GRM4: variants seen among roughly 807,000 people sequenced by gnomAD.
GRM4 encodes the protein metabotropic glutamate receptor 4.
A neutral mutation model predicts 81.7 loss-of-function variants in GRM4; 28 were observed. That is an observed-to-expected ratio of 0.34 (90% CI 0.25 to 0.47). GRM4 has a LOEUF of 0.47. GRM4 is among the 20% of genes least tolerant of loss of function. The pLI is 1.00. For synonymous variants in GRM4, 488 were observed against 528.8 expected, an observed-to-expected ratio of 0.92 and a Z score of 1.06; for missense variants, 948 against 1,290.0, an observed-to-expected ratio of 0.73 and a Z score of 4.06.
At chr6:34,085,041 A>G (rs1767814500) in intron 3 of GRM4, among the ~76,000 whole-genome samples, 2 of 152,140 alleles carry the variant, frequency 1.3e-5, no homozygotes, top group Non-Finnish European at 2.9e-5. Context: ...AGGGCCTGAG[A>G]GCAGGGCCTG....
At chr6:34,106,561 CCT>C (rs1262492161) in intron 2 of GRM4, among the ~76,000 whole-genome samples, 1 of 152,198 alleles carries the variant, frequency 6.6e-6, no homozygotes, top group Non-Finnish European at 1.5e-5. Flanking sequence ...CCTCACTCAC[CCT>C]GTCCAGCCAC....
chr6:34,060,683 C>T (rs982653525), intron 4 of GRM4: 1 of 152,278 alleles, frequency 6.6e-6, no homozygotes, highest in Middle Eastern at 3.2e-3. Context: ...GGCAGGAAGT[C>T]AGGGAGTGGG....
At chr6:34,023,747 G>T (rs1764005608) in intron 10 of GRM4, among the ~76,000 whole-genome samples, 1 of 152,192 alleles carries the variant, frequency 6.6e-6, no homozygotes, top group African/African-American at 2.4e-5. Context: ...CCCCTCCAGA[G>T]TGCAGACCCC....
chr6:34,146,091 G>T, upstream of GRM4: 1 of 985,408 alleles, frequency 1.0e-6, no homozygotes, highest in Non-Finnish European at 1.2e-6. Context: ...GTACAGCAAA[G>T]CACAGGGACG....
At chr6:34,098,612 C>G (rs559969676) in intron 2 of GRM4, among the ~76,000 whole-genome samples, 1 of 152,356 alleles carries the variant, frequency 6.6e-6, no homozygotes, top group South Asian at 2.1e-4. Flanking sequence ...CCAGGCTTGG[C>G]TGCCTGCTCC....
chr6:34,116,632 G>A (rs1769607331), intron 2 of GRM4, among the ~76,000 whole-genome samples: 1 of 152,194 alleles, frequency 6.6e-6, no homozygotes, highest in South Asian at 2.1e-4. Context: ...AATCATTCAT[G>A]CAACCTATGA....
In GRM4 at chr6:34,121,506, C is replaced by T. The variant is rs1769809700; in HGVS notation, c.519+11472G>A. On this transcript the variant is annotated intron_variant, in intron 2 of 10. Transcript: ENST00000538487. This position sits in a 1 kb window ranked among gnomAD's most constrained non-coding sequence, Gnocchi z 4.6. ...GCTCCCATTAGGGCTCCCATTAGGG[C>T]CCCGCTCTACCCAGCCAGAGCTCCC... 6.6e-6 allele frequency among the ~76,000 whole-genome samples: 1 copy of T among 152,196 alleles called. No individual in the cohort carries two copies. Among genetic ancestry groups the T allele is most frequent in the Admixed American group, 6.5e-5 (1 of 15,288 alleles).
intron 6 of GRM4, among the ~76,000 whole-genome samples, chr6:34,049,001 T>C (rs1483400512): frequency 6.6e-6 from 1 of 152,136 alleles, no homozygotes; most frequent in Admixed American, 6.5e-5. Flanking sequence ...CTCTTTAAGG[T>C]AGAAATACGA....
At chr6:34,127,740 G>A (rs188197568) in intron 2 of GRM4, among the ~76,000 whole-genome samples, 19 of 152,300 alleles carry the variant, frequency 1.2e-4, no homozygotes, top group African/African-American at 4.6e-4. Flanking sequence ...GAGCCTGCAG[G>A]GTGAGCTGAC....
chr6:34,023,851 G>A (rs2127433489), intron 10 of GRM4, among the ~76,000 whole-genome samples: 1 of 152,316 alleles, frequency 6.6e-6, no homozygotes, highest in East Asian at 1.9e-4. Context: ...CAGACCCTTG[G>A]TTTTGTCCTG....
At chr6:34,122,919 T>C (rs60190206) in intron 2 of GRM4, among the ~76,000 whole-genome samples, 17,567 of 152,188 alleles carry the variant, frequency 0.12, 1,793 homozygotes, top group African/African-American at 0.27. Context: ...CGAGTCAGTA[T>C]GACTGCCCAC....
intron 3 of GRM4, among the ~76,000 whole-genome samples, chr6:34,082,723 C>G (rs1767669792): frequency 6.6e-6 from 1 of 152,228 alleles, no homozygotes; most frequent in African/African-American, 2.4e-5. Flanking sequence ...CGGCAAGCAC[C>G]GTATAGGTAT....
chr6:34,029,214 G>T (rs942030802), intron 9 of GRM4, among the ~76,000 whole-genome samples: 1 of 152,104 alleles, frequency 6.6e-6, no homozygotes, highest in Admixed American at 6.5e-5. Flanking sequence ...AGGCCTCCTG[G>T]GTCTGGGCAT....
At chr6:34,101,761 C>T (rs933497274) in intron 2 of GRM4, among the ~76,000 whole-genome samples, 1 of 152,272 alleles carries the variant, frequency 6.6e-6, no homozygotes, top group Non-Finnish European at 1.5e-5. Context: ...AGTTTCTATA[C>T]ATAATTATTA....
chr6:34,155,464 A>T, exon 1 of GRM4: 1 of 907,372 alleles, frequency 1.1e-6, no homozygotes, highest in Non-Finnish European at 1.6e-6. Flanking sequence ...CGCACATTGG[A>T]GTTACCTAGA....
At chr6:34,071,486 ACAT>A (rs1417891335) in intron 3 of GRM4, among the ~76,000 whole-genome samples, 7 of 111,390 alleles carry the variant, frequency 6.3e-5, no homozygotes, top group Admixed American at 2.9e-4. Context: ...AAACACACAC[ACAT>A]CACCACACAC....
intron 1 of GRM4, 103 bp downstream of exon 1, chr6:34,145,897 A>C: frequency 1.5e-6 from 1 of 687,738 alleles, no homozygotes; most frequent in Non-Finnish European, 1.8e-6. Flanking sequence ...CCACCCCTCC[A>C]CACCCGCCCT....
At chr6:34,143,795 A>C (rs1770803336) in intron 1 of GRM4, among the ~76,000 whole-genome samples, 1 of 152,102 alleles carries the variant, frequency 6.6e-6, no homozygotes, top group African/African-American at 2.4e-5. Flanking sequence ...AGGGTGTGGG[A>C]TGGGGTGCTC....
At chr6:34,112,681 G>T (rs147554355) in intron 2 of GRM4, among the ~76,000 whole-genome samples, 4 of 152,042 alleles carry the variant, frequency 2.6e-5, no homozygotes, top group African/African-American at 9.7e-5. Context: ...GGTTGGAGGC[G>T]GCAGGGGAAG....
Sources: gnomAD v4.1 joint callset for allele counts (sites outside exome capture counted in the v4.1 genomes callset) on GRCh38, gnomAD v4.1.1 for gene constraint, Gnocchi (gnomAD v3.1) non-coding constraint, MANE v1.5 for transcripts, NCBI Gene and HGNC (gene_info 2026-07-23, HGNC 2026-07-21) for gene names.